The following TBC1D5 variants were observed in gnomAD, a reference collection of about 807,000 sequenced individuals.
TBC1D5 encodes the protein TBC1 domain family member 5.
A neutral mutation model predicts 100.3 loss-of-function variants in TBC1D5; 75 were observed. The observed-to-expected ratio is 0.75, with a 90% CI of 0.62 to 0.91. The LOEUF is 0.91. TBC1D5 is among the 40% of genes least tolerant of loss of function. TBC1D5 has a pLI of 0.00. For missense variants in TBC1D5, 910 were observed against 942.4 expected (o/e 0.97, Z 0.45); for synonymous variants, 323 against 325.6 (o/e 0.99, Z 0.09).
At chr3:17,413,694 G>C (rs1252827446) in intron 4 of TBC1D5, among the ~76,000 whole-genome samples, 1 of 152,040 alleles carries the variant, frequency 6.6e-6, no homozygotes, top group Non-Finnish European at 1.5e-5. Context: ...ATGACTAGAA[G>C]GCTTCTGAAT....
At chr3:17,559,209 C>A (rs1365167658) in intron 2 of TBC1D5, among the ~76,000 whole-genome samples, 2 of 151,624 alleles carry the variant, frequency 1.3e-5, no homozygotes, top group South Asian at 4.2e-4. Context: ...AGTGGCATCT[C>A]GGTTCCCTGC....
At chr3:17,586,016 T>C (rs557040748) in intron 2 of TBC1D5, among the ~76,000 whole-genome samples, 2 of 152,094 alleles carry the variant, frequency 1.3e-5, no homozygotes, top group Non-Finnish European at 2.9e-5. Context: ...TACAAAAAGA[T>C]TCCCTAAGGA....
intron 18 of TBC1D5, among the ~76,000 whole-genome samples, chr3:17,186,743 A>AAT (rs2069153781): frequency 1.0e-4 from 14 of 134,426 alleles, no homozygotes; most frequent in Non-Finnish European, 1.8e-4. Context: ...AAAAAAAAAA[A>AAT]ATTAAAAAAA....
At chr3:17,651,305 T>C (rs933081397) in intron 1 of TBC1D5, among the ~76,000 whole-genome samples, 20 of 152,192 alleles carry the variant, frequency 1.3e-4, no homozygotes, top group Admixed American at 7.9e-4. Flanking sequence ...ATGTTTATAA[T>C]GTAAGAAAAC....
At chr3:17,642,562 T>C (rs931959099) in intron 1 of TBC1D5, among the ~76,000 whole-genome samples, 15 of 152,142 alleles carry the variant, frequency 9.9e-5, no homozygotes, top group African/African-American at 3.6e-4. Flanking sequence ...TTCTTCCACA[T>C]ACTCGTCAAC....
At chr3:17,559,731 A>C (rs1265992902) in intron 2 of TBC1D5, among the ~76,000 whole-genome samples, 1 of 151,728 alleles carries the variant, frequency 6.6e-6, no homozygotes, top group Admixed American at 6.6e-5. Context: ...CTGGGATTAC[A>C]GGCGCCCACG....
At chr3:17,350,113 G>A (rs1485164352) in intron 13 of TBC1D5, among the ~76,000 whole-genome samples, 1 of 152,132 alleles carries the variant, frequency 6.6e-6, no homozygotes, top group Non-Finnish European at 1.5e-5. Flanking sequence ...TGGAGCTGAA[G>A]CTAATCGTAC....
chr3:17,381,892 G>A (rs80260898), intron 9 of TBC1D5, among the ~76,000 whole-genome samples: 5,916 of 151,884 alleles, frequency 0.039, 170 homozygotes, highest in African/African-American at 0.08. Flanking sequence ...TTTCCAGACG[G>A]AAATCCACAT....
chr3:17,593,185 G>A (rs933990022), intron 2 of TBC1D5, among the ~76,000 whole-genome samples: 3 of 152,106 alleles, frequency 2.0e-5, no homozygotes, highest in Admixed American at 6.6e-5. Flanking sequence ...AGTTGACAGA[G>A]GAATAGAAGA....
intron 2 of TBC1D5, among the ~76,000 whole-genome samples, chr3:17,590,251 A>G (rs1168894113): frequency 1.1e-4 from 16 of 152,218 alleles, no homozygotes; most frequent in Admixed American, 1.0e-3. Flanking sequence ...GTGTAGGATA[A>G]TGGTGGAAGG....
At chr3:17,556,157 G>C (rs992905157) in intron 2 of TBC1D5, among the ~76,000 whole-genome samples, 6 of 152,008 alleles carry the variant, frequency 3.9e-5, no homozygotes, top group African/African-American at 1.4e-4. Context: ...TGGGACTACA[G>C]GTATGTACCA....
At chr3:17,578,071 G>A (rs2096668714) in intron 2 of TBC1D5, among the ~76,000 whole-genome samples, 1 of 151,976 alleles carries the variant, frequency 6.6e-6, no homozygotes, top group Non-Finnish European at 1.5e-5. Flanking sequence ...TTATATGAAG[G>A]TAATGTAGGA....
At chr3:17,444,096 CAG>C (rs2094726522) in intron 3 of TBC1D5, among the ~76,000 whole-genome samples, 2 of 151,994 alleles carry the variant, frequency 1.3e-5, no homozygotes, top group South Asian at 4.1e-4. Context: ...GAGATTATAA[CAG>C]AATGTAAAAA....
chr3:17,699,399 G>T (rs1189135050), intron 1 of TBC1D5, among the ~76,000 whole-genome samples: 2 of 98,602 alleles, frequency 2.0e-5, no homozygotes, highest in African/African-American at 7.6e-5. Flanking sequence ...GTTGTGGGGT[G>T]GGGGGAGGGG....
intron 2 of TBC1D5, among the ~76,000 whole-genome samples, chr3:17,541,515 C>T (rs1288287970): frequency 6.6e-6 from 1 of 152,036 alleles, no homozygotes; most frequent in East Asian, 1.9e-4. Flanking sequence ...TATGAAAATG[C>T]AATTGCTTTT....
chr3:17,238,065 A>G (rs2076006422), intron 17 of TBC1D5, 98 bp downstream of exon 17: 2 of 1,475,378 alleles, frequency 1.4e-6, no homozygotes, highest in Non-Finnish European at 1.8e-6. Flanking sequence ...GTTTTGCATT[A>G]ATTTCTATTC....
At position 17,539,323 on chromosome 3, in the gene TBC1D5, T is replaced by C. The variant is rs1212619581; in HGVS notation, c.-35-30718A>G. ...CTTCAGAAAGAATAGACTGTAAATGTTTCTTATGAGACTTAAAATGATGAA... is the reference window on the plus strand; with the variant it reads ...CTTCAGAAAGAATAGACTGTAAATGCTTCTTATGAGACTTAAAATGATGAA... On this transcript the variant is annotated intron_variant, in intron 2 of 21. Coordinates refer to ENST00000253692, the Ensembl canonical transcript of TBC1D5. Among the ~76,000 whole-genome samples the C allele has an allele frequency of 2.0e-5, 3 of 152,334 alleles. No individual in the cohort carries two copies. In the East Asian group the frequency reaches 5.8e-4, roughly 29 times the overall value.
intron 17 of TBC1D5, 32 bp downstream of exon 18, chr3:17,233,653 A>G: frequency 7.4e-7 from 1 of 1,354,394 alleles, no homozygotes; most frequent in Non-Finnish European, 1.0e-6. Flanking sequence ...AGGCAAAGAA[A>G]AAGAAACACT....
At chr3:17,456,917 A>G (rs1286162072) in intron 3 of TBC1D5, among the ~76,000 whole-genome samples, 1 of 152,220 alleles carries the variant, frequency 6.6e-6, no homozygotes, top group Non-Finnish European at 1.5e-5. Context: ...AGTTACATTT[A>G]TATGATATGT....
Sources: gnomAD v4.1 joint callset for allele counts (sites outside exome capture counted in the v4.1 genomes callset) on GRCh38, gnomAD v4.1.1 for gene constraint, MANE v1.5 for transcripts, NCBI Gene and HGNC (gene_info 2026-07-23, HGNC 2026-07-21) for gene names.